NELFA: variants seen among roughly 807,000 people sequenced by gnomAD.
NELFA encodes negative elongation factor complex member A, also known as negative elongation factor A.
Under a neutral mutation model 51.8 loss-of-function variants are expected in NELFA, and 35 were observed. The ratio of observed to expected loss-of-function variants is 0.68; its 90% CI spans 0.52 to 0.90. The LOEUF (loss-of-function observed/expected upper bound fraction) is 0.90, where lower values mean the gene tolerates loss of function less well. NELFA is among the 40% of genes least tolerant of loss of function. NELFA has a pLI of 0.00. For missense variants in NELFA, 658 were observed against 746.4 expected (o/e 0.88, Z 1.38); for synonymous variants, 417 against 338.4 (o/e 1.23, Z -2.55).
chr4:1,983,525 G>C (rs749652549), intron 10 of NELFA, 22 bp from the exon 11 acceptor site: 16 of 1,612,794 alleles, frequency 9.9e-6, no homozygotes, highest in African/African-American at 1.3e-5. Context: ...AGGAGCTGCT[G>C]GGTGGGTGTC....
At chr4:1,991,994 A>T in intron 1 of NELFA, 1 of 366,888 alleles carries the variant, frequency 2.7e-6, no homozygotes, top group Non-Finnish European at 4.9e-6. Flanking sequence ...CACTGGGCCT[A>T]CTCTTCCACC....
At position 1,983,979 on chromosome 4, in the gene NELFA, G is replaced by A. The variant is rs767942061; in HGVS notation, c.1171C>T (p.Pro391Ser). ...LSPATPTPAA[P>S]TSPLTPTTPP... The stretch of plus-strand genomic sequence containing the variant: ...GTGGTGGGTGTCAGAGGCGAGGTGG[G>A]CGCCGCAGGCGTGGGTGTGGCAGGG... The change falls in exon 9 of 11, where the codon CCC becomes TCC. Residue 391 changes from proline (P) to serine (S), a missense_variant. By Grantham distance (74) the Pro-to-Ser change is moderately conservative. Transcript: ENST00000382882. The A allele has an allele frequency of 9.3e-5, 149 of 1,610,104 alleles. No individual in the cohort carries two copies. Among genetic ancestry groups the A allele is most frequent in the Non-Finnish European group, 1.1e-4 (134 of 1,179,646 alleles).
chr4:2,005,937 A>G (rs1398315419), intron 1 of NELFA, among the ~76,000 whole-genome samples: 1 of 152,200 alleles, frequency 6.6e-6, no homozygotes, highest in Non-Finnish European at 1.5e-5. Flanking sequence ...ATGAACTGCA[A>G]GTTCAGCTCA....
At chr4:2,006,586 C>A (rs755471026) in intron 1 of NELFA, among the ~76,000 whole-genome samples, 3 of 151,172 alleles carry the variant, frequency 2.0e-5, no homozygotes, top group Non-Finnish European at 4.4e-5. Flanking sequence ...CTGGGCAATA[C>A]AGTAAGACCC....
rs770297888 is a variant in NELFA at position 1,983,228 on chromosome 4, GC to G, written c.*90del. 7.3e-7 allele frequency: 1 copy of G among 1,375,308 alleles called. No homozygotes were observed. The highest frequency in any genetic ancestry group is 9.9e-7 in the Non-Finnish European group (1 of 1,005,912). 85.2% of individuals were successfully genotyped at this position (1,375,308 alleles called of 1,614,324 possible). A position where few individuals can be genotyped will look rare whatever the true frequency, so the allele number is the denominator to read the frequency against. On this transcript the variant is annotated 3_prime_UTR_variant, in exon 11 of 11. Coordinates refer to ENST00000382882, the MANE Select transcript of NELFA (RefSeq NM_005663.5). The stretch of plus-strand genomic sequence containing the variant: ...GGGCGGCGGCCGGGGGACCTCGGGG[GC>G]CAGGTGTCCGCCATCCGGTTACTTT...
chr4:2,004,868 C>T (rs1047600313), intron 1 of NELFA, among the ~76,000 whole-genome samples: 6 of 146,678 alleles, frequency 4.1e-5, no homozygotes, highest in Non-Finnish European at 8.9e-5. Context: ...TGCAGTGGCG[C>T]GATCTCAGCT....
intron 1 of NELFA, among the ~76,000 whole-genome samples, chr4:2,001,940 C>T (rs1013767905): frequency 9.4e-5 from 14 of 149,438 alleles, no homozygotes; most frequent in Middle Eastern, 7.0e-3. Context: ...GTGGCTCATG[C>T]CTGTAATCCT....
chr4:1,992,430 G>A (rs1311872106), intron 1 of NELFA: 2 of 417,138 alleles, frequency 4.8e-6, no homozygotes, highest in South Asian at 3.4e-5. Flanking sequence ...TCCACACCAG[G>A]GCCTGCTTCG....
chr4:2,006,326 A>C (rs928139196), intron 1 of NELFA, among the ~76,000 whole-genome samples: 5 of 152,226 alleles, frequency 3.3e-5, no homozygotes, highest in Non-Finnish European at 4.4e-5. Context: ...CTGAAGATTC[A>C]AGTGCGAAAG....
Position 1,983,706 on chromosome 4 carries a change from G to C in NELFA, c.1303-11C>G. The C allele has an allele frequency of 3.7e-6, 6 of 1,613,526 alleles. No individual in the cohort carries two copies. Among genetic ancestry groups the C allele is most frequent in the Non-Finnish European group, 5.1e-6 (6 of 1,179,712 alleles). Reference sequence around the variant, plus strand: ...GAACATCTGCTCTCTCTACAGCGGGGAGAGGGGTGTGGGTGCCAGGGCCCC... The same window carrying C: ...GAACATCTGCTCTCTCTACAGCGGGCAGAGGGGTGTGGGTGCCAGGGCCCC... On this transcript the variant is annotated splice_polypyrimidine_tract_variant and intron_variant, in intron 9 of 10. Coordinates refer to ENST00000382882, the MANE Select transcript of NELFA (RefSeq NM_005663.5).
At chr4:1,985,959 G>A in intron 6 of NELFA, 95 bp from the exon 7 acceptor site, 1 of 1,348,816 alleles carries the variant, frequency 7.4e-7, no homozygotes. Context: ...CCCAGGGGAG[G>A]CCACCAAGGA....
At chr4:2,008,712 G>C in intron 1 of NELFA, 38 bp downstream of exon 1, 4 of 1,572,602 alleles carry the variant, frequency 2.5e-6, no homozygotes, top group Non-Finnish European at 3.5e-6. Flanking sequence ...TGGGAAGGTT[G>C]GGAATCTGGG....
At chr4:2,005,170 A>T (rs921876386) in intron 1 of NELFA, among the ~76,000 whole-genome samples, 2 of 152,148 alleles carry the variant, frequency 1.3e-5, no homozygotes, top group East Asian at 3.9e-4. Context: ...TTCTAAGAAG[A>T]GAATTTCCTT....
intron 1 of NELFA, among the ~76,000 whole-genome samples, chr4:2,005,381 T>C (rs1335484240): frequency 2.0e-5 from 3 of 151,882 alleles, no homozygotes; most frequent in East Asian, 1.9e-4. Flanking sequence ...GGAGATTCTA[T>C]AGAAAAAAAA....
rs997308363 is a variant in NELFA, at chr4:1,983,237, C to T, written c.*82G>A. 4.1e-6 allele frequency: 6 copies of T among 1,454,536 alleles called. No individual in the cohort carries two copies. The highest frequency in any genetic ancestry group is 4.0e-5 in the South Asian group (3 of 74,542). 90.1% of individuals were successfully genotyped at this position (1,454,536 alleles called of 1,614,324 possible). ...CCGGGGGACCTCGGGGGCCAGGTGT[C>T]CGCCATCCGGTTACTTTAAGCTGGC... On this transcript the variant is annotated 3_prime_UTR_variant, in exon 11 of 11. Coordinates refer to ENST00000382882, the MANE Select transcript of NELFA (RefSeq NM_005663.5).
At chr4:2,006,564 T>C (rs1039581553) in intron 1 of NELFA, among the ~76,000 whole-genome samples, 44 of 151,358 alleles carry the variant, frequency 2.9e-4, no homozygotes, top group African/African-American at 4.9e-5. Flanking sequence ...AGGCTAGGAG[T>C]TCAAGACCAG....
At position 1,989,989 on chromosome 4, in the gene NELFA, G is replaced by T. The variant is rs1399193619; in HGVS notation, c.383-120C>A. ...GTTAGGGTTAGGTCATGGGAGCTTC[G>T]GCTGTCCCCTGAGGTCCTCGAGACT... On this transcript the variant is annotated intron_variant, in intron 2 of 10. Transcript: ENST00000382882. This position sits in a 1 kb window ranked among gnomAD's most constrained non-coding sequence, Gnocchi z 4.8. 1.6e-6 allele frequency: 2 copies of T among 1,234,434 alleles called. No homozygotes were observed. The highest frequency in any genetic ancestry group is 1.5e-5 in the South Asian group (1 of 68,154). The allele number at this position is 1,234,434 out of a possible 1,614,324, so 76.5% of individuals were successfully genotyped here.
chr4:1,983,585 T>G lies in NELFA; in HGVS notation c.1402+11A>C, dbSNP rs760822280. The stretch of plus-strand genomic sequence containing the variant: ...CCCGGTGCACCCCCAGGCCCTGCCT[T>G]ATGAACATACCTCGGGAGCCGGCCA... On this transcript the variant is annotated intron_variant, in intron 10 of 10. Transcript: ENST00000382882. The G allele has an allele frequency of 6.2e-7, 1 of 1,613,732 alleles. No individual in the cohort carries two copies. Among genetic ancestry groups the G allele is most frequent in the African/African-American group, 1.3e-5 (1 of 74,924 alleles).
At chr4:1,996,941 C>T (rs1414832603) in intron 1 of NELFA, among the ~76,000 whole-genome samples, 1 of 151,376 alleles carries the variant, frequency 6.6e-6, no homozygotes, top group Admixed American at 6.6e-5. Context: ...ACTCTCTCTA[C>T]AAAAAATTTA....
Sources: allele counts gnomAD v4.1 joint callset (sites outside exome capture counted in the v4.1 genomes callset), GRCh38; gene constraint gnomAD v4.1.1; non-coding constraint Gnocchi (gnomAD v3.1); transcripts MANE v1.5; gene names NCBI Gene and HGNC (gene_info 2026-07-23, HGNC 2026-07-21).